PDZD2: variants seen among roughly 807,000 people sequenced by gnomAD.
PDZD2 encodes the protein PDZ domain containing 2, also known as PDZ domain-containing protein 2.
PDZD2 carries 90 observed loss-of-function variants against 220.7 expected under a neutral mutation model. The ratio of observed to expected loss-of-function variants is 0.41; its 90% CI spans 0.34 to 0.49. The LOEUF is 0.49. Ranked by LOEUF, PDZD2 falls within the 20% of genes least tolerant of loss-of-function variation. PDZD2 has a pLI of 0.28. For missense variants in PDZD2, 3,174 were observed against 3,608.5 expected (o/e 0.88, Z 3.08); for synonymous variants, 1,375 against 1,450.5 (o/e 0.95, Z 1.18).
At chr5:31,920,019 T>G (rs1744070831) in intron 2 of PDZD2, among the ~76,000 whole-genome samples, 2 of 152,056 alleles carry the variant, frequency 1.3e-5, no homozygotes, top group South Asian at 4.2e-4. Context: ...GACCTAGCCT[T>G]TTAAGTTTTT....
At chr5:31,912,404 T>C (rs113162628) in intron 2 of PDZD2, among the ~76,000 whole-genome samples, 5 of 152,298 alleles carry the variant, frequency 3.3e-5, no homozygotes, top group African/African-American at 1.2e-4. Context: ...CCTTGGAGGC[T>C]GAGATGGGCC....
chr5:31,924,098 G>C (rs1744529254), intron 2 of PDZD2, among the ~76,000 whole-genome samples: 1 of 152,178 alleles, frequency 6.6e-6, no homozygotes, highest in Non-Finnish European at 1.5e-5. Context: ...AAAATACAAA[G>C]AGTTGGAGCT....
chr5:31,676,175 T>C (rs1043751648), intron 1 of PDZD2, among the ~76,000 whole-genome samples: 5 of 152,270 alleles, frequency 3.3e-5, no homozygotes, highest in Non-Finnish European at 7.3e-5. Context: ...TTCATTCATT[T>C]ATTCATGTAT....
intron 5 of PDZD2, among the ~76,000 whole-genome samples, chr5:32,008,134 TAAAA>T (rs996462362): frequency 3.0e-5 from 2 of 67,216 alleles, no homozygotes; most frequent in Non-Finnish European, 7.0e-5. Flanking sequence ...TATAAAATAA[TAAAA>T]ATAAATAAAT....
chr5:31,793,524 T>C (rs899067844), intron 1 of PDZD2, among the ~76,000 whole-genome samples: 2 of 152,022 alleles, frequency 1.3e-5, no homozygotes, highest in Non-Finnish European at 2.9e-5. Context: ...AGCTTTATAA[T>C]GGCTGGATGC....
Position 32,002,970 on chromosome 5 carries a change from ACACACACAC to A in PDZD2, c.1254+2710_1254+2718del, listed in dbSNP as rs1752376662. ...ACACACACACCACACACACACCAAC[ACACACACAC>A]CACACACACCCCACACACCAACACA... On this transcript the variant is annotated intron_variant, in intron 5 of 24. Coordinates refer to ENST00000438447, the MANE Select transcript of PDZD2 (RefSeq NM_178140.4). Among the ~76,000 whole-genome samples, 4 of 97,040 alleles carry A rather than the reference ACACACACAC, an allele frequency of 4.1e-5. No homozygotes were observed. The South Asian group carries it at 1.4e-3, about 35-fold the overall frequency. 63.7% of individuals were successfully genotyped at this position (97,040 alleles called of 152,430 possible).
intron 7 of PDZD2, among the ~76,000 whole-genome samples, chr5:32,045,823 A>G (rs1344346791): frequency 6.6e-6 from 1 of 152,188 alleles, no homozygotes; most frequent in Non-Finnish European, 1.5e-5. Flanking sequence ...TTTAAAAAAA[A>G]AACAAACCTT....
At chr5:31,768,232 G>A (rs1002104560) in intron 1 of PDZD2, among the ~76,000 whole-genome samples, 4 of 152,198 alleles carry the variant, frequency 2.6e-5, no homozygotes, top group Non-Finnish European at 4.4e-5. Context: ...TGGGAACTCC[G>A]TGAAAGGCAG....
At chr5:31,857,004 A>G (rs1368035487) in intron 2 of PDZD2, among the ~76,000 whole-genome samples, 2 of 151,864 alleles carry the variant, frequency 1.3e-5, no homozygotes, top group Non-Finnish European at 2.9e-5. Context: ...CTTACCTCTT[A>G]CCAACTTCCA....
chr5:31,886,586 G>T (rs1482449517), intron 2 of PDZD2, among the ~76,000 whole-genome samples: 1 of 152,130 alleles, frequency 6.6e-6, no homozygotes, highest in African/African-American at 2.4e-5. Flanking sequence ...GAGATGTGTG[G>T]GCCCTCAGCC....
At chr5:32,009,286 T>G (rs574026308) in intron 5 of PDZD2, among the ~76,000 whole-genome samples, 2 of 151,880 alleles carry the variant, frequency 1.3e-5, no homozygotes, top group African/African-American at 4.8e-5. Context: ...GAGGTTGTGG[T>G]GAGCTGAGAT....
intron 2 of PDZD2, among the ~76,000 whole-genome samples, chr5:31,837,005 G>A (rs929340722): frequency 6.7e-6 from 1 of 148,238 alleles, no homozygotes; most frequent in African/African-American, 2.6e-5. Flanking sequence ...GCAACTGAGC[G>A]AGACTGTCTT....
chr5:31,886,740 C>T (rs1740528215), intron 2 of PDZD2, among the ~76,000 whole-genome samples: 1 of 150,660 alleles, frequency 6.6e-6, no homozygotes, highest in South Asian at 2.1e-4. Flanking sequence ...CTCTGTCGCT[C>T]AGGCTGGAGT....
rs556784095 is a variant in PDZD2 at position 32,096,546 on chromosome 5, T to C, written c.7846-733T>C. 4.6e-5 allele frequency among the ~76,000 whole-genome samples: 7 copies of C among 152,228 alleles called. No individual in the cohort carries two copies. The East Asian group carries it at 1.2e-3, about 25-fold the overall frequency. ...GTTGACTAGGCTGGTCTCGAACTCCTGACCTCAGGTGATCCGCCCGCCTTG... is the reference window on the plus strand; with the variant it reads ...GTTGACTAGGCTGGTCTCGAACTCCCGACCTCAGGTGATCCGCCCGCCTTG... On this transcript the variant is annotated intron_variant, in intron 21 of 24. Coordinates refer to ENST00000438447, the MANE Select transcript of PDZD2 (RefSeq NM_178140.4).
chr5:32,077,688 G>C (rs1368425399), intron 19 of PDZD2, 82 bp downstream of exon 19: 13 of 1,410,664 alleles, frequency 9.2e-6, no homozygotes, highest in Non-Finnish European at 1.1e-5. Context: ...CAGGCGCAGT[G>C]GCTTACACCT....
intron 2 of PDZD2, among the ~76,000 whole-genome samples, chr5:31,884,424 T>C (rs974771609): frequency 6.6e-6 from 1 of 152,130 alleles, no homozygotes; most frequent in Non-Finnish European, 1.5e-5. Flanking sequence ...ATTCTGCTCT[T>C]AGAAGCTCTG....
intron 7 of PDZD2, among the ~76,000 whole-genome samples, chr5:32,039,174 C>T (rs1486892073): frequency 2.0e-5 from 3 of 152,042 alleles, no homozygotes; most frequent in East Asian, 1.9e-4. Flanking sequence ...GCCATGATCT[C>T]GGCTCGCTGC....
At chr5:31,986,638 C>T (rs1337497346) in intron 3 of PDZD2, among the ~76,000 whole-genome samples, 1 of 126,342 alleles carries the variant, frequency 7.9e-6, no homozygotes, top group Non-Finnish European at 1.6e-5. Context: ...GCCTATTTAC[C>T]TCTTAAGCCT....
intron 2 of PDZD2, among the ~76,000 whole-genome samples, chr5:31,803,760 G>T (rs1273485834): frequency 5.9e-5 from 9 of 152,064 alleles, no homozygotes; most frequent in Admixed American, 5.2e-4. Flanking sequence ...GAAAATAGGG[G>T]CAAGGTAGCT....
Sources: gnomAD v4.1 joint callset for allele counts (sites outside exome capture counted in the v4.1 genomes callset) on GRCh38, gnomAD v4.1.1 for gene constraint, MANE v1.5 for transcripts, NCBI Gene and HGNC (gene_info 2026-07-23, HGNC 2026-07-21) for gene names.